Variants in UPP2 observed in about 807,000 individuals in gnomAD.
The protein encoded by UPP2 is UPase 2.
In UPP2, 23 loss-of-function variants were observed where a neutral mutation model predicts 26.7. The ratio of observed to expected loss-of-function variants is 0.86; its 90% CI spans 0.62 to 1.22. The LOEUF is 1.22. Ranked by LOEUF, UPP2 falls within the 50% of genes most tolerant of loss-of-function variation. The pLI is 0.00. For missense variants in UPP2, 387 were observed against 396.7 expected (o/e 0.98, Z 0.21); for synonymous variants, 127 against 141.3 (o/e 0.90, Z 0.72).
chr2:157,999,949 G>A (rs1164668400), intron 2 of UPP2, among the ~76,000 whole-genome samples: 1 of 152,148 alleles, frequency 6.6e-6, no homozygotes, highest in Non-Finnish European at 1.5e-5. Context: ...AAAAGGGAAG[G>A]AGGGAAGGAG....
chr2:158,098,489 C>G (rs367786795), upstream of UPP2, among the ~76,000 whole-genome samples: 42 of 152,250 alleles, frequency 2.8e-4, no homozygotes, highest in African/African-American at 9.9e-4. Flanking sequence ...TGAGCGCATT[C>G]AAGGACCCAT....
chr2:158,028,865 C>A (rs1173312569), intron 3 of UPP2, among the ~76,000 whole-genome samples: 1 of 152,188 alleles, frequency 6.6e-6, no homozygotes, highest in Non-Finnish European at 1.5e-5. Flanking sequence ...TTTCATGAGA[C>A]TTATTCACTA....
At chr2:158,039,354 T>G (rs570060639) in intron 3 of UPP2, among the ~76,000 whole-genome samples, 2 of 152,228 alleles carry the variant, frequency 1.3e-5, no homozygotes, top group Non-Finnish European at 2.9e-5. Context: ...GACTTTTCTG[T>G]ACATCTGTAA....
chr2:158,014,232 G>A (rs2105143384), intron 2 of UPP2, among the ~76,000 whole-genome samples: 1 of 152,304 alleles, frequency 6.6e-6, no homozygotes, highest in African/African-American at 2.4e-5. Context: ...GTTGGGATGG[G>A]GCAGGGTTAG....
At chr2:157,998,799 C>CA (rs1442195742) in intron 2 of UPP2, among the ~76,000 whole-genome samples, 4 of 151,890 alleles carry the variant, frequency 2.6e-5, no homozygotes, top group Non-Finnish European at 5.9e-5. Flanking sequence ...GACTCTGTCG[C>CA]AAAAATAAAA....
intron 3 of UPP2, among the ~76,000 whole-genome samples, chr2:158,057,615 G>A (rs923268552): frequency 6.6e-6 from 1 of 151,874 alleles, no homozygotes; most frequent in South Asian, 2.1e-4. Flanking sequence ...TGGTACATTT[G>A]TTTCAATTAA....
At chr2:158,068,421 T>C (rs1033891229) in intron 3 of UPP2, among the ~76,000 whole-genome samples, 1 of 152,160 alleles carries the variant, frequency 6.6e-6, no homozygotes, top group Non-Finnish European at 1.5e-5. Context: ...CCAACGATCT[T>C]GATTTTATGT....
At chr2:158,122,089 A>G (rs894266739) in intron 5 of UPP2, among the ~76,000 whole-genome samples, 2 of 151,898 alleles carry the variant, frequency 1.3e-5, no homozygotes, top group African/African-American at 4.8e-5. Context: ...TCTCTCAGCC[A>G]TGAGTAAGGG....
chr2:158,102,598 G>A (rs1055416153), intron 1 of UPP2, among the ~76,000 whole-genome samples: 9 of 152,106 alleles, frequency 5.9e-5, no homozygotes, highest in African/African-American at 9.7e-5. Context: ...CTGAAATACC[G>A]TCTATGTGAT....
At chr2:158,124,310 G>A (rs1309495292) in intron 6 of UPP2, among the ~76,000 whole-genome samples, 1 of 152,200 alleles carries the variant, frequency 6.6e-6, no homozygotes, top group Non-Finnish European at 1.5e-5. Context: ...ATATCTGGGG[G>A]AAGAGCATTC....
intron 3 of UPP2, 90 bp from the exon 4 acceptor site, chr2:158,117,734 G>A: frequency 3.1e-6 from 3 of 974,432 alleles, no homozygotes; most frequent in Non-Finnish European, 4.8e-6. Context: ...ATGTATCTGA[G>A]GCCTGTTAAC....
At position 158,023,230 on chromosome 2, in the gene UPP2, T is replaced by TGGGC. The variant is rs1553463653; in HGVS notation, c.147+7347_147+7348insCGGG. ...ATGAGGTCATGGGGTTGCTGTCAGT[T>TGGGC]GGGGGGGGGCATTTGGAAGGCTTTC... is the stretch of plus-strand genomic sequence containing the variant. On this transcript the variant is annotated intron_variant, in intron 3 of 9. Coordinates refer to the UPP2 transcript ENST00000605860. Among the ~76,000 whole-genome samples the TGGGC allele has an allele frequency of 5.1e-4, 43 of 83,832 alleles. 3 individuals are homozygous for TGGGC. In the East Asian group the frequency reaches 0.012, roughly 23 times the overall value. The allele number at this position is 83,832 out of a possible 152,430, so 55.0% of individuals were successfully genotyped here.
intron 3 of UPP2, among the ~76,000 whole-genome samples, chr2:158,075,295 G>A (rs547157366): frequency 5.3e-5 from 8 of 151,856 alleles, no homozygotes; most frequent in African/African-American, 1.9e-4. Flanking sequence ...TTTATATTAG[G>A]GAATAGTATA....
At chr2:158,071,893 G>A (rs1008008039) in intron 3 of UPP2, among the ~76,000 whole-genome samples, 2 of 152,134 alleles carry the variant, frequency 1.3e-5, no homozygotes, top group African/African-American at 2.4e-5. Flanking sequence ...GACCCAGCAC[G>A]TTCCCAGCTG....
intron 3 of UPP2, among the ~76,000 whole-genome samples, chr2:158,051,522 C>G (rs958767554): frequency 6.6e-6 from 1 of 152,144 alleles, no homozygotes; most frequent in East Asian, 1.9e-4. Flanking sequence ...GTGGCTCACG[C>G]CTGTAATCCC....
Position 158,120,379 on chromosome 2 carries a change from G to T in UPP2, c.455-1030G>T, listed in dbSNP as rs367596744. On this transcript the variant is annotated intron_variant, in intron 4 of 6. Transcript: ENST00000005756. ...TTTACAAAGACAGGATTTGGTTTAT[G>T]AACCATAGGCTTGCGGAGCTATAAT... 2.6e-5 allele frequency among the ~76,000 whole-genome samples: 4 copies of T among 152,044 alleles called. No individual in the cohort carries two copies. The South Asian group carries it at 8.3e-4, about 32-fold the overall frequency.
intron 2 of UPP2, among the ~76,000 whole-genome samples, chr2:157,996,266 C>G (rs1188097397): frequency 1.3e-5 from 2 of 152,124 alleles, no homozygotes; most frequent in African/African-American, 2.4e-5. Flanking sequence ...CTTACCATAC[C>G]TTTAGTGAGG....
At position 158,114,592 on chromosome 2, in the gene UPP2, A is replaced by G. The variant is rs1197552977; in HGVS notation, c.181-509A>G. ...GAATTTCTTCTGAATAAGAAATTTAAAAGTCTTGACATGATTCCTTTAAAA... is the reference window on the plus strand; with the variant it reads ...GAATTTCTTCTGAATAAGAAATTTAGAAGTCTTGACATGATTCCTTTAAAA... On this transcript the variant is annotated intron_variant, in intron 2 of 6. Coordinates refer to ENST00000005756, the MANE Select transcript of UPP2 (RefSeq NM_173355.4). Among the ~76,000 whole-genome samples, 4 of 152,380 alleles carry G rather than the reference A, an allele frequency of 2.6e-5. No homozygotes were observed. The East Asian group carries it at 5.8e-4, about 22-fold the overall frequency.
At chr2:158,128,143 T>C in intron 6 of UPP2, 1 of 427,856 alleles carries the variant, frequency 2.3e-6, no homozygotes, top group Non-Finnish European at 3.1e-6. Context: ...TAGGTTCTGC[T>C]TAAATCCTCT....
Sources: gnomAD v4.1 joint callset for allele counts (sites outside exome capture counted in the v4.1 genomes callset) on GRCh38, gnomAD v4.1.1 for gene constraint, MANE v1.5 for transcripts, NCBI Gene and HGNC (gene_info 2026-07-23, HGNC 2026-07-21) for gene names.